ANK1: variants seen among roughly 807,000 people sequenced by gnomAD.
ANK1 encodes the protein ankyrin 1.
Under a neutral mutation model 210.4 loss-of-function variants are expected in ANK1, and 51 were observed. The observed-to-expected ratio is 0.24, with a 90% CI of 0.19 to 0.31. The LOEUF (loss-of-function observed/expected upper bound fraction) is 0.31. Ranked by LOEUF, ANK1 falls within the 10% of genes least tolerant of loss-of-function variation. ANK1 has a pLI of 1.00. For missense variants in ANK1, 2,051 were observed against 2,504.4 expected (o/e 0.82, Z 3.86); for synonymous variants, 967 against 1,025.9 (o/e 0.94, Z 1.10).
intron 1 of ANK1, among the ~76,000 whole-genome samples, chr8:41,816,088 T>G (rs900025522): frequency 3.9e-5 from 6 of 152,248 alleles, no homozygotes; most frequent in African/African-American, 1.2e-4. Context: ...TACATCTGTG[T>G]AATTCACTTG....
chr8:41,665,028 G>A lies in ANK1; in HGVS notation c.5395-1286C>T, dbSNP rs138948238. The A allele has an allele frequency of 1.1e-3, 1,725 of 1,612,960 alleles. 22 individuals are homozygous for A. In the East Asian group the frequency reaches 0.025, roughly 23 times the overall value. ...CTGGGTGACGAAAGTCCACATCCTC[G>A]CCTCCTCACCAGCCCGGTCCTCTGG... On this transcript the variant is annotated intron_variant, in intron 39 of 42. Transcript: ENST00000289734.
At chr8:41,752,798 G>GCCT (rs1838041145) in intron 2 of ANK1, among the ~76,000 whole-genome samples, 1 of 145,798 alleles carries the variant, frequency 6.9e-6, no homozygotes, top group South Asian at 2.3e-4. Flanking sequence ...GCACACACAG[G>GCCT]CCCCCCCCCA....
intron 1 of ANK1, among the ~76,000 whole-genome samples, chr8:41,786,121 G>C (rs1343687764): frequency 6.6e-6 from 1 of 152,224 alleles, no homozygotes; most frequent in African/African-American, 2.4e-5. Flanking sequence ...GGCGCGGTTT[G>C]TGGTCGAGGC....
intron 1 of ANK1, among the ~76,000 whole-genome samples, chr8:41,895,675 C>T (rs1820351107): frequency 6.6e-6 from 1 of 152,176 alleles, no homozygotes; most frequent in African/African-American, 2.4e-5. Context: ...AACTTCCCCT[C>T]CCTGGCATGG....
At chr8:41,860,271 G>A (rs983508512) in intron 1 of ANK1, among the ~76,000 whole-genome samples, 4 of 152,174 alleles carry the variant, frequency 2.6e-5, no homozygotes, top group African/African-American at 7.2e-5. Context: ...GTCCTGCTTG[G>A]CCCAGATGCG....
intron 36 of ANK1, 75 bp downstream of exon 36, chr8:41,686,077 A>T: frequency 6.2e-7 from 1 of 1,608,158 alleles, no homozygotes; most frequent in Admixed American, 1.7e-5. Flanking sequence ...AGTGTCATGA[A>T]TGGAATTTGA....
intron 11 of ANK1, 100 bp downstream of exon 11, chr8:41,718,006 A>T (rs1265918901): frequency 1.8e-6 from 2 of 1,120,386 alleles, no homozygotes; most frequent in Non-Finnish European, 2.6e-6. Context: ...AGACACACAC[A>T]CCCCTGCAGC....
chr8:41,804,921 T>G (rs1425020262), intron 1 of ANK1, among the ~76,000 whole-genome samples: 8 of 152,282 alleles, frequency 5.3e-5, no homozygotes, highest in Non-Finnish European at 1.2e-4. Flanking sequence ...CTTAATTAAT[T>G]TTTTAAAAAT....
At chr8:41,754,425 T>C (rs1838562632) in intron 2 of ANK1, among the ~76,000 whole-genome samples, 2 of 152,224 alleles carry the variant, frequency 1.3e-5, no homozygotes, top group Non-Finnish European at 1.5e-5. Flanking sequence ...ACATCTCTTA[T>C]ATAAGCCAAG....
chr8:41,829,393 G>C (rs532466569), intron 1 of ANK1: 1 of 152,312 alleles, frequency 6.6e-6, no homozygotes, highest in Admixed American at 6.5e-5. Context: ...GCAACCTTAT[G>C]ACCAATCCCA....
At chr8:41,750,229 C>A (rs935943390) in intron 2 of ANK1, among the ~76,000 whole-genome samples, 3 of 152,206 alleles carry the variant, frequency 2.0e-5, no homozygotes, top group African/African-American at 7.2e-5. Flanking sequence ...AACATTAGGG[C>A]TTCCTAATGC....
chr8:41,734,988 A>T (rs756364640), intron 2 of ANK1, among the ~76,000 whole-genome samples: 1 of 152,144 alleles, frequency 6.6e-6, no homozygotes, highest in Non-Finnish European at 1.5e-5. Context: ...AAGCTTTAGG[A>T]AAAGCAAAAA....
chr8:41,763,859 T>TTTC (rs1841028526), intron 1 of ANK1, among the ~76,000 whole-genome samples: 1 of 150,568 alleles, frequency 6.6e-6, no homozygotes, highest in Non-Finnish European at 1.5e-5. Flanking sequence ...AAGCTTTTTC[T>TTTC]TTCTTTCTTC....
At chr8:41,887,689 C>T (rs1173627969) in intron 1 of ANK1, among the ~76,000 whole-genome samples, 1 of 152,238 alleles carries the variant, frequency 6.6e-6, no homozygotes, top group Non-Finnish European at 1.5e-5. Flanking sequence ...CTTGGCTACT[C>T]TGGCCCTGAG....
chr8:41,872,092 A>G (rs1815627381), intron 1 of ANK1, among the ~76,000 whole-genome samples: 1 of 152,194 alleles, frequency 6.6e-6, no homozygotes, highest in Admixed American at 6.5e-5. Context: ...TCAGAAACAG[A>G]CGAGCCAGCA....
intron 1 of ANK1, among the ~76,000 whole-genome samples, chr8:41,890,101 A>T (rs1339525145): frequency 6.6e-6 from 1 of 152,264 alleles, no homozygotes; most frequent in East Asian, 1.9e-4. Flanking sequence ...TAGAAAGAAT[A>T]ACTTTATGAA....
intron 1 of ANK1, among the ~76,000 whole-genome samples, chr8:41,838,637 G>A (rs1263162260): frequency 2.0e-5 from 3 of 150,770 alleles, no homozygotes; most frequent in African/African-American, 4.9e-5. Flanking sequence ...GCGGTGGTGC[G>A]TGCCTGTAAT....
intron 1 of ANK1, among the ~76,000 whole-genome samples, chr8:41,862,172 A>G (rs1212584629): frequency 6.6e-6 from 1 of 152,224 alleles, no homozygotes; most frequent in Non-Finnish European, 1.5e-5. Context: ...GAGGCATAAC[A>G]GAGCTAGATA....
chr8:41,767,853 G>A (rs1467201047), intron 1 of ANK1, among the ~76,000 whole-genome samples: 1 of 152,246 alleles, frequency 6.6e-6, no homozygotes, highest in Non-Finnish European at 1.5e-5. Flanking sequence ...AGCTTGCCGA[G>A]ACGTGGCCGG....
Sources: allele counts gnomAD v4.1 joint callset (sites outside exome capture counted in the v4.1 genomes callset), GRCh38; gene constraint gnomAD v4.1.1; transcripts MANE v1.5; gene names NCBI Gene and HGNC (gene_info 2026-07-23, HGNC 2026-07-21).